Variants in CNTNAP2 observed in about 807,000 individuals in gnomAD.
The protein encoded by CNTNAP2 is contactin-associated protein-like 2.
CNTNAP2 carries 98 observed loss-of-function variants against 155.2 expected under a neutral mutation model. That is an observed-to-expected ratio of 0.63 (90% confidence interval 0.54 to 0.75). CNTNAP2 has a LOEUF of 0.75. CNTNAP2 is among the 30% of genes least tolerant of loss of function. The probability of loss-of-function intolerance (pLI) is 0.00; values close to 1 mark genes in which losing one functional copy is unlikely to be tolerated. For synonymous variants in CNTNAP2, 651 were observed against 631.2 expected (o/e 1.03, Z -0.47); for missense variants, 1,727 against 1,688.1 (o/e 1.02, Z -0.40).
chr7:147,727,107 T>C (rs1268745740), intron 13 of CNTNAP2, among the ~76,000 whole-genome samples: 1 of 151,904 alleles, frequency 6.6e-6, no homozygotes, highest in African/African-American at 2.4e-5. Flanking sequence ...TAGACCTCAA[T>C]AAAGCTGGAA....
At chr7:147,104,128 G>T (rs950867778) in intron 4 of CNTNAP2, among the ~76,000 whole-genome samples, 2 of 152,026 alleles carry the variant, frequency 1.3e-5, no homozygotes, top group Non-Finnish European at 2.9e-5. Flanking sequence ...TATATAAAAT[G>T]TTAATATTAG....
At chr7:146,292,249 C>T (rs1202024223) in intron 1 of CNTNAP2, among the ~76,000 whole-genome samples, 1 of 152,094 alleles carries the variant, frequency 6.6e-6, no homozygotes, top group Non-Finnish European at 1.5e-5. Context: ...GTTCATCTTC[C>T]ACTTATAAGT....
rs116157431 is a variant in CNTNAP2, at chr7:146,998,943, T to A, written c.403-44964T>A. ...TCAACATATAATTGAGTCATTTTTT[T>A]AAATTCATTCAGCTATTCAGTGTCT... On this transcript the variant is annotated intron_variant, in intron 3 of 23. Transcript: ENST00000361727. Among the ~76,000 whole-genome samples, 654 of 152,144 alleles carry A rather than the reference T, an allele frequency of 4.3e-3. 3 individuals carry two copies. Among genetic ancestry groups the A allele is most frequent in the Non-Finnish European group, 5.8e-3 (391 of 67,946 alleles).
At chr7:147,904,154 G>C (rs964697574) in intron 14 of CNTNAP2, among the ~76,000 whole-genome samples, 1 of 152,064 alleles carries the variant, frequency 6.6e-6, no homozygotes, top group Non-Finnish European at 1.5e-5. Flanking sequence ...AAATAGGAGA[G>C]AGAGAGAGAG....
At chr7:146,371,455 G>A (rs1163773572) in intron 1 of CNTNAP2, among the ~76,000 whole-genome samples, 2 of 136,506 alleles carry the variant, frequency 1.5e-5, no homozygotes, top group African/African-American at 5.6e-5. Flanking sequence ...TGCAAGCTCC[G>A]CCTCCCGGGT....
At chr7:148,295,185 T>C (rs1797258560) in intron 21 of CNTNAP2, among the ~76,000 whole-genome samples, 1 of 152,222 alleles carries the variant, frequency 6.6e-6, no homozygotes, top group African/African-American at 2.4e-5. Context: ...TTTGTGATGA[T>C]CCACTTATAA....
chr7:148,012,432 C>G lies in CNTNAP2; in HGVS notation c.2383+34443C>G, dbSNP rs540614905. Reference sequence around the variant, plus strand: ...GGAGAAATGGAACATTGCTGTCCAACCACTGTGAAATTTCAGTTATGCAAC... The same window carrying G: ...GGAGAAATGGAACATTGCTGTCCAAGCACTGTGAAATTTCAGTTATGCAAC... On this transcript the variant is annotated intron_variant, in intron 15 of 23. Coordinates refer to ENST00000361727, the MANE Select transcript of CNTNAP2 (RefSeq NM_014141.6). 4.5e-4 allele frequency among the ~76,000 whole-genome samples: 69 copies of G among 152,316 alleles called. 1 individual carries two copies. The highest frequency in any genetic ancestry group is 1.6e-3 in the African/African-American group (67 of 41,578).
At chr7:147,054,272 A>C (rs1379356419) in intron 4 of CNTNAP2, among the ~76,000 whole-genome samples, 1 of 152,162 alleles carries the variant, frequency 6.6e-6, no homozygotes, top group Non-Finnish European at 1.5e-5. Context: ...TGTGCATTCT[A>C]CATGTCCAGC....
chr7:147,088,266 A>G (rs945817480), intron 4 of CNTNAP2, among the ~76,000 whole-genome samples: 3 of 152,216 alleles, frequency 2.0e-5, no homozygotes, highest in African/African-American at 4.8e-5. Flanking sequence ...AAGGATCACT[A>G]TGGAATAATG....
At chr7:147,313,654 T>C (rs957811645) in intron 9 of CNTNAP2, among the ~76,000 whole-genome samples, 1 of 151,982 alleles carries the variant, frequency 6.6e-6, no homozygotes, top group Non-Finnish European at 1.5e-5. Flanking sequence ...CATGCTGTTT[T>C]GGTTACTGTA....
intron 9 of CNTNAP2, among the ~76,000 whole-genome samples, chr7:147,382,523 A>G (rs1796553240): frequency 6.6e-6 from 1 of 152,192 alleles, no homozygotes; most frequent in Non-Finnish European, 1.5e-5. Flanking sequence ...CAATGACAGA[A>G]TACCAGCAAT....
At chr7:147,621,154 G>A (rs912240985) in intron 12 of CNTNAP2, among the ~76,000 whole-genome samples, 6 of 152,016 alleles carry the variant, frequency 3.9e-5, no homozygotes, top group Admixed American at 3.9e-4. Flanking sequence ...CAAATATAAA[G>A]GAGAAATAAA....
At chr7:146,996,910 A>G (rs1187288190) in intron 3 of CNTNAP2, among the ~76,000 whole-genome samples, 1 of 152,046 alleles carries the variant, frequency 6.6e-6, no homozygotes, top group Non-Finnish European at 1.5e-5. Context: ...GTGGCAGTGA[A>G]TAAGTCTCAC....
chr7:147,490,937 G>A (rs548033072), intron 11 of CNTNAP2, among the ~76,000 whole-genome samples: 4 of 152,148 alleles, frequency 2.6e-5, no homozygotes, highest in East Asian at 3.9e-4. Context: ...CCATCATCTC[G>A]TGAGAACTCA....
chr7:147,888,657 T>C, intron 13 of CNTNAP2, among the ~76,000 whole-genome samples: 1 of 151,896 alleles, frequency 6.6e-6, no homozygotes, highest in East Asian at 1.9e-4. Flanking sequence ...AATTACAGAT[T>C]ATTTACAAAA....
At chr7:146,585,727 GAAGA>G (rs1013081885) in intron 1 of CNTNAP2, among the ~76,000 whole-genome samples, 11 of 135,518 alleles carry the variant, frequency 8.1e-5, no homozygotes, top group South Asian at 2.4e-4. Context: ...AGGAAAGAAA[GAAGA>G]AAGAAAGAAA....
At chr7:147,830,736 A>G (rs568497030) in intron 13 of CNTNAP2, among the ~76,000 whole-genome samples, 1 of 152,294 alleles carries the variant, frequency 6.6e-6, no homozygotes, top group African/African-American at 2.4e-5. Context: ...GCCAGGTGCC[A>G]TGCTCTGTAC....
intron 1 of CNTNAP2, among the ~76,000 whole-genome samples, chr7:146,329,388 T>C (rs1387890439): frequency 6.6e-6 from 1 of 152,238 alleles, no homozygotes; most frequent in East Asian, 1.9e-4. Context: ...TCCCTTTTTA[T>C]TTGTGCTCAC....
intron 15 of CNTNAP2, among the ~76,000 whole-genome samples, chr7:148,108,166 T>A: frequency 6.6e-6 from 1 of 152,362 alleles, no homozygotes; most frequent in East Asian, 1.9e-4. Context: ...TCTCTGCTAC[T>A]CTGCAGTTAT....
Sources: allele counts gnomAD v4.1 joint callset (sites outside exome capture counted in the v4.1 genomes callset), GRCh38; gene constraint gnomAD v4.1.1; transcripts MANE v1.5; gene names NCBI Gene and HGNC (gene_info 2026-07-23, HGNC 2026-07-21).